EMCN: variants seen among roughly 807,000 people sequenced by gnomAD.
EMCN encodes the protein endomucin.
EMCN carries 37 observed loss-of-function variants against 38.4 expected under a neutral mutation model. The ratio of observed to expected loss-of-function variants is 0.96; its 90% confidence interval spans 0.74 to 1.27. EMCN has a LOEUF of 1.27. Ranked by LOEUF, EMCN falls within the 50% of genes most tolerant of loss-of-function variation. EMCN has a pLI of 0.00. For missense variants in EMCN, 318 were observed against 302.8 expected (o/e 1.05, Z -0.37); for synonymous variants, 95 against 100.8 (o/e 0.94, Z 0.35).
intron 4 of EMCN, among the ~76,000 whole-genome samples, chr4:100,448,604 C>A (rs1249379746): frequency 6.6e-6 from 1 of 152,132 alleles, no homozygotes; most frequent in Non-Finnish European, 1.5e-5. Context: ...GTCCACCCAG[C>A]ACCTGTATCT....
At chr4:100,443,147 GC>G (rs1458800006) in intron 5 of EMCN, among the ~76,000 whole-genome samples, 1 of 152,216 alleles carries the variant, frequency 6.6e-6, no homozygotes, top group Admixed American at 6.5e-5. Flanking sequence ...ACCACACCCA[GC>G]CCAGCTCATT....
intron 5 of EMCN, among the ~76,000 whole-genome samples, chr4:100,439,689 C>T (rs1727456631): frequency 6.6e-6 from 1 of 150,714 alleles, no homozygotes; most frequent in Non-Finnish European, 1.5e-5. Flanking sequence ...ATTTATTCTT[C>T]TTTTGTTAGT....
At chr4:100,449,332 A>T (rs1371658363) in intron 4 of EMCN, among the ~76,000 whole-genome samples, 1 of 152,142 alleles carries the variant, frequency 6.6e-6, no homozygotes, top group Non-Finnish European at 1.5e-5. Context: ...CAGATCTGTA[A>T]ACATTAGCTG....
chr4:100,427,164 C>T (rs983526348), intron 5 of EMCN, among the ~76,000 whole-genome samples: 24 of 152,112 alleles, frequency 1.6e-4, no homozygotes, highest in African/African-American at 4.6e-4. Flanking sequence ...CTTCTTATCA[C>T]GTTTTCTTTA....
Position 100,447,510 on chromosome 4 carries a change from GAGAC to G in EMCN, c.415+19_415+22del. The stretch of plus-strand genomic sequence containing the variant: ...TTTTACCCATGAAAATACTAAGAGA[GAGAC>G]AGAGAAAAAAGAGCTTACCTGGTAT... On this transcript the variant is annotated intron_variant, in intron 5 of 11. Transcript: ENST00000296420. 6.4e-7 allele frequency: 1 copy of G among 1,560,826 alleles called. No individual in the cohort carries two copies. Among genetic ancestry groups the G allele is most frequent in the Non-Finnish European group, 8.8e-7 (1 of 1,133,506 alleles).
chr4:100,441,755 G>T (rs368847544), intron 5 of EMCN, among the ~76,000 whole-genome samples: 4 of 152,030 alleles, frequency 2.6e-5, no homozygotes, highest in Non-Finnish European at 4.4e-5. Flanking sequence ...AAATTCTGTT[G>T]CATACAAAAA....
chr4:100,465,340 GCAGTT>G (rs1728285800), intron 4 of EMCN, 78 bp downstream of exon 4: 1 of 725,370 alleles, frequency 1.4e-6, no homozygotes, highest in East Asian at 2.6e-5. Flanking sequence ...TAATTCCTTG[GCAGTT>G]GTATGCTGGA....
intron 7 of EMCN, 39 bp from the exon 8 acceptor site, chr4:100,421,416 C>G (rs372984233): frequency 1.3e-6 from 2 of 1,509,196 alleles, no homozygotes; most frequent in African/African-American, 2.7e-5. Context: ...AGAGTGGCTA[C>G]TGAATTTCAC....
chr4:100,451,611 GA>G (rs1237166188), intron 4 of EMCN, among the ~76,000 whole-genome samples: 1 of 151,892 alleles, frequency 6.6e-6, no homozygotes, highest in Non-Finnish European at 1.5e-5. Flanking sequence ...CTTAGATTTA[GA>G]TACTTTGTGT....
chr4:100,507,930 T>C (rs1462953752), intron 1 of EMCN, among the ~76,000 whole-genome samples: 1 of 152,192 alleles, frequency 6.6e-6, no homozygotes. Context: ...ATTGGCCTTT[T>C]ACATGCAAAG....
At chr4:100,504,238 C>T (rs370353961) in intron 1 of EMCN, among the ~76,000 whole-genome samples, 7 of 152,264 alleles carry the variant, frequency 4.6e-5, no homozygotes, top group East Asian at 1.9e-4. Context: ...GAAGGCATAA[C>T]GGCCTAGGAT....
At chr4:100,434,779 C>T (rs141184369) in intron 5 of EMCN, among the ~76,000 whole-genome samples, 395 of 152,142 alleles carry the variant, frequency 2.6e-3, no homozygotes, top group Non-Finnish European at 4.4e-3. Flanking sequence ...AAAAACCACA[C>T]GATTGTCTCA....
intron 11 of EMCN, among the ~76,000 whole-genome samples, chr4:100,409,565 A>G (rs1211026208): frequency 6.6e-6 from 1 of 152,154 alleles, no homozygotes; most frequent in Non-Finnish European, 1.5e-5. Flanking sequence ...GATCATTTGT[A>G]TCTGGTTTTG....
chr4:100,469,110 G>A (rs1475368594), intron 3 of EMCN, among the ~76,000 whole-genome samples: 6 of 152,034 alleles, frequency 3.9e-5, no homozygotes, highest in African/African-American at 1.4e-4. Context: ...TTTCAACAAG[G>A]GCACCAAGAG....
chr4:100,482,989 A>G (rs1399288612), intron 1 of EMCN, among the ~76,000 whole-genome samples: 1 of 152,100 alleles, frequency 6.6e-6, no homozygotes, highest in Non-Finnish European at 1.5e-5. Context: ...CCTTAAACAT[A>G]TTTGGCCCCT....
intron 5 of EMCN, among the ~76,000 whole-genome samples, chr4:100,442,007 T>A (rs2110237640): frequency 6.6e-6 from 1 of 152,332 alleles, no homozygotes; most frequent in South Asian, 2.1e-4. Flanking sequence ...GTCATATGTA[T>A]TTATAATAGT....
chr4:100,489,455 A>G (rs2110290511), intron 1 of EMCN, among the ~76,000 whole-genome samples: 1 of 152,300 alleles, frequency 6.6e-6, no homozygotes, highest in South Asian at 2.1e-4. Flanking sequence ...ACATAACACC[A>G]TTTCAGTCAG....
intron 1 of EMCN, among the ~76,000 whole-genome samples, chr4:100,517,549 A>T (rs1729790283): frequency 6.6e-6 from 1 of 152,110 alleles, no homozygotes; most frequent in Non-Finnish European, 1.5e-5. Flanking sequence ...TACATTTTTA[A>T]CCAGCATTCT....
intron 5 of EMCN, among the ~76,000 whole-genome samples, chr4:100,433,554 A>C (rs1387349023): frequency 7.1e-6 from 1 of 139,876 alleles, no homozygotes; most frequent in Non-Finnish European, 1.6e-5. Flanking sequence ...TTTTTTTTTT[A>C]TTTGACAGTC....
Sources: gnomAD v4.1 joint callset for allele counts (sites outside exome capture counted in the v4.1 genomes callset) on GRCh38, gnomAD v4.1.1 for gene constraint, MANE v1.5 for transcripts, NCBI Gene and HGNC (gene_info 2026-07-23, HGNC 2026-07-21) for gene names.